HELZ: variants seen among roughly 807,000 people sequenced by gnomAD.
The protein encoded by HELZ is helicase with zinc finger.
In HELZ, 23 loss-of-function variants were observed where a neutral mutation model predicts 218.2. The observed-to-expected ratio is 0.11, with a 90% CI of 0.08 to 0.15. The LOEUF is 0.15. Ranked by LOEUF, HELZ falls within the 10% of genes least tolerant of loss-of-function variation. HELZ has a pLI of 1.00. For synonymous variants in HELZ, 814 were observed against 829.4 expected (o/e 0.98, Z 0.32); for missense variants, 1,813 against 2,353.7 (o/e 0.77, Z 4.75).
At chr17:67,234,004 C>A (rs1387165479) in intron 3 of HELZ, among the ~76,000 whole-genome samples, 1 of 148,822 alleles carries the variant, frequency 6.7e-6, no homozygotes, top group East Asian at 2.0e-4. Flanking sequence ...TGAGATAGCA[C>A]CATGGCACTC....
intron 20 of HELZ, among the ~76,000 whole-genome samples, chr17:67,147,433 T>A (rs1323578019): frequency 6.6e-6 from 1 of 152,180 alleles, no homozygotes; most frequent in Non-Finnish European, 1.5e-5. Flanking sequence ...CCTGCCTTCC[T>A]TTCACCTGCC....
chr17:67,074,072 T>A lies in HELZ; in HGVS notation c.*4180A>T, dbSNP rs993905198. 2.7e-4 allele frequency: 41 copies of A among 152,264 alleles called. No individual in the cohort carries two copies. Among genetic ancestry groups the A allele is most frequent in the African/African-American group, 8.9e-4 (37 of 41,562 alleles). The allele number at this position is 152,264 out of a possible 1,614,324, so 9.4% of individuals were successfully genotyped here. ...AATTTCTAGGCGGTTTGAATGTGGA[T>A]CAGATGGCAAAGAGTGGAGACAAAT... On this transcript the variant is annotated 3_prime_UTR_variant, in exon 33 of 33. Transcript: ENST00000358691.
At position 67,076,374 on chromosome 17, in the gene HELZ, C is replaced by G. The variant is rs1391862048; in HGVS notation, c.*1878G>C. 1.3e-5 allele frequency: 2 copies of G among 152,200 alleles called. No homozygotes were observed. Among genetic ancestry groups the G allele is most frequent in the Non-Finnish European group, 2.9e-5 (2 of 68,044 alleles). 9.4% of individuals were successfully genotyped at this position (152,200 alleles called of 1,614,324 possible). A position where few individuals can be genotyped will look rare whatever the true frequency, so the allele number is the denominator to read the frequency against. ...ATTTGACATTGCTAAATGTGGTGAT[C>G]TGACATCATACAGAGAAAGAGTGGT... On this transcript the variant is annotated 3_prime_UTR_variant, in exon 33 of 33. Coordinates refer to ENST00000358691, the MANE Select transcript of HELZ (RefSeq NM_014877.4).
At chr17:67,222,453 G>A (rs549221019) in intron 3 of HELZ, among the ~76,000 whole-genome samples, 130 of 152,240 alleles carry the variant, frequency 8.5e-4, no homozygotes, top group Middle Eastern at 6.8e-3. Context: ...GAGATTAAGC[G>A]CAGAACTATG....
At chr17:67,104,260 C>T (rs896547637) in intron 31 of HELZ, among the ~76,000 whole-genome samples, 1 of 151,876 alleles carries the variant, frequency 6.6e-6, no homozygotes, top group Non-Finnish European at 1.5e-5. Context: ...TGGTGAAACC[C>T]CGTATCTACT....
In HELZ at chr17:67,108,521, G is replaced by A. The variant is rs372331782; in HGVS notation, c.4695C>T (p.Ala1565=). ...VRADWKLTSS[A]EDEVETTYSR... Reference sequence around the variant, plus strand: ...AGTATGTGGTCTCCACTTCATCTTCGGCACTGCTGGTGAGCTTCCAGTCTG... The same window carrying A: ...AGTATGTGGTCTCCACTTCATCTTCAGCACTGCTGGTGAGCTTCCAGTCTG... Residue 1565 remains alanine, a synonymous_variant, in exon 30 of 33, where the codon GCC becomes GCT. Coordinates refer to ENST00000358691, the MANE Select transcript of HELZ (RefSeq NM_014877.4). The surrounding 1 kb of genome is among the most constrained non-coding windows in gnomAD (Gnocchi z 4.1). 99 of 1,613,898 alleles carry A rather than the reference G, an allele frequency of 6.1e-5. No homozygotes were observed. The highest frequency in any genetic ancestry group is 7.7e-5 in the Non-Finnish European group (91 of 1,179,972).
chr17:67,180,318 TA>T (rs748744764), intron 12 of HELZ, among the ~76,000 whole-genome samples: 1 of 151,864 alleles, frequency 6.6e-6, no homozygotes. Flanking sequence ...ACCCTGTCTC[TA>T]AAAAAATAAA....
chr17:67,209,004 AAAGGAAGG>A (rs145781100), intron 5 of HELZ, among the ~76,000 whole-genome samples: 4 of 130,110 alleles, frequency 3.1e-5, no homozygotes, highest in African/African-American at 1.2e-4. Context: ...AGGAAGGCAA[AAAGGAAGG>A]AAGGAAGGAA....
intron 17 of HELZ, among the ~76,000 whole-genome samples, chr17:67,156,379 G>A (rs1453902054): frequency 6.6e-6 from 1 of 151,982 alleles, no homozygotes; most frequent in Non-Finnish European, 1.5e-5. Flanking sequence ...TATTCTCCCA[G>A]CCACTGCCCA....
intron 31 of HELZ, among the ~76,000 whole-genome samples, chr17:67,089,384 T>A (rs1035245072): frequency 6.6e-6 from 1 of 151,928 alleles, no homozygotes; most frequent in African/African-American, 2.4e-5. Flanking sequence ...AGAGAGAATA[T>A]TCAATTAAAC....
At chr17:67,148,362 C>T (rs180841570) in intron 20 of HELZ, among the ~76,000 whole-genome samples, 2 of 152,260 alleles carry the variant, frequency 1.3e-5, no homozygotes, top group Admixed American at 1.3e-4. Context: ...CAGAGTTTTT[C>T]CCAAAATAGC....
At chr17:67,157,720 C>A (rs2038884382) in intron 17 of HELZ, among the ~76,000 whole-genome samples, 1 of 152,048 alleles carries the variant, frequency 6.6e-6, no homozygotes, top group Admixed American at 6.6e-5. Context: ...AAATTTTATT[C>A]CTGTAGTAAA....
At chr17:67,222,874 C>T (rs1440007230) in intron 3 of HELZ, among the ~76,000 whole-genome samples, 5 of 152,112 alleles carry the variant, frequency 3.3e-5, no homozygotes, top group Admixed American at 2.6e-4. Context: ...GACACCCCTG[C>T]CTAGGACACA....
intron 17 of HELZ, among the ~76,000 whole-genome samples, chr17:67,155,215 TAA>T (rs2038803751): frequency 6.6e-6 from 1 of 152,122 alleles, no homozygotes; most frequent in African/African-American, 2.4e-5. Flanking sequence ...AAATGGGATC[TAA>T]TATAGGAGAG....
intron 12 of HELZ, among the ~76,000 whole-genome samples, chr17:67,180,199 T>C (rs1845342863): frequency 6.6e-6 from 1 of 152,238 alleles, no homozygotes; most frequent in South Asian, 2.1e-4. Context: ...TACTCTGGAT[T>C]GGGGCTGCGC....
At chr17:67,124,072 T>C in intron 24 of HELZ, 58 bp from the exon 25 acceptor site, 1 of 1,141,706 alleles carries the variant, frequency 8.8e-7, no homozygotes, top group South Asian at 1.3e-5. Flanking sequence ...TAGAAAACAA[T>C]AACCATTTTC....
At chr17:67,158,862 C>T (rs928926299) in intron 17 of HELZ, among the ~76,000 whole-genome samples, 1 of 152,118 alleles carries the variant, frequency 6.6e-6, no homozygotes, top group African/African-American at 2.4e-5. Flanking sequence ...ATAAGCTAGT[C>T]GAGTGACGGA....
intron 23 of HELZ, among the ~76,000 whole-genome samples, chr17:67,133,343 C>T (rs954970580): frequency 8.6e-5 from 13 of 152,040 alleles, no homozygotes; most frequent in Admixed American, 2.0e-4. Context: ...CCCATTTGCT[C>T]TAAGAAAGTA....
At chr17:67,137,677 C>T (rs533557067) in intron 22 of HELZ, among the ~76,000 whole-genome samples, 1 of 152,302 alleles carries the variant, frequency 6.6e-6, no homozygotes, top group Admixed American at 6.5e-5. Context: ...TCACAGCATA[C>T]ATATACTATG....
Sources: gnomAD v4.1 joint callset for allele counts (sites outside exome capture counted in the v4.1 genomes callset) on GRCh38, gnomAD v4.1.1 for gene constraint, Gnocchi (gnomAD v3.1) non-coding constraint, MANE v1.5 for transcripts, NCBI Gene and HGNC (gene_info 2026-07-23, HGNC 2026-07-21) for gene names.